ZC3H11A: variants seen among roughly 807,000 people sequenced by gnomAD.
ZC3H11A encodes zinc finger CCCH domain-containing protein 11A.
Under a neutral mutation model 90.8 loss-of-function variants are expected in ZC3H11A, and 22 were observed. The ratio of observed to expected loss-of-function variants is 0.24; its 90% CI spans 0.17 to 0.35. The LOEUF is 0.35. Ranked by LOEUF, ZC3H11A falls within the 10% of genes least tolerant of loss-of-function variation. The pLI is 1.00. For missense variants in ZC3H11A, 701 were observed against 964.9 expected, an observed-to-expected ratio of 0.73 and a Z score of 3.62; for synonymous variants, 294 against 339.8, an observed-to-expected ratio of 0.87 and a Z score of 1.48.
At chr1:203,806,923 C>G (rs1450233836) in intron 2 of ZC3H11A, among the ~76,000 whole-genome samples, 2 of 129,458 alleles carry the variant, frequency 1.5e-5, no homozygotes, top group African/African-American at 5.8e-5. Flanking sequence ...TGAAGTCTTT[C>G]AAAAATTACT....
chr1:203,798,022 T>C, intron 1 of ZC3H11A: 6 of 1,533,864 alleles, frequency 3.9e-6, no homozygotes, highest in Non-Finnish European at 4.4e-6. Flanking sequence ...GGTAGCCATC[T>C]TGGTACATCT....
intron 4 of ZC3H11A, among the ~76,000 whole-genome samples, chr1:203,820,618 C>T (rs9803846): frequency 0.11 from 16,426 of 151,802 alleles, 1,155 homozygotes; most frequent in Non-Finnish European, 0.15. Context: ...GCTGGGACAA[C>T]GGGCATGCCT....
At chr1:203,805,850 C>T in intron 2 of ZC3H11A, 1 of 896,832 alleles carries the variant, frequency 1.1e-6, no homozygotes, top group Non-Finnish European at 1.8e-6. Flanking sequence ...ATTTCATTTG[C>T]ATCTTCCATC....
chr1:203,812,578 A>AT (rs386369376), intron 2 of ZC3H11A, among the ~76,000 whole-genome samples: 2,812 of 109,302 alleles, frequency 0.026, 175 homozygotes, highest in African/African-American at 0.07. Flanking sequence ...GCCATTCTAA[A>AT]TTTTTTTTTT....
At chr1:203,813,126 T>A (rs1408889757) in intron 2 of ZC3H11A, among the ~76,000 whole-genome samples, 1 of 152,228 alleles carries the variant, frequency 6.6e-6, no homozygotes, top group African/African-American at 2.4e-5. Context: ...TTTTCATTCT[T>A]TCTTAAGCTT....
chr1:203,799,895 T>A, intron 1 of ZC3H11A: 1 of 1,536,090 alleles, frequency 6.5e-7, no homozygotes, highest in East Asian at 2.4e-5. Context: ...TAGAAACTTA[T>A]AAGCAGTTCC....
In ZC3H11A at chr1:203,818,694, GT is replaced by G; in HGVS notation, c.174+11del. The G allele has an allele frequency of 6.2e-7, 1 of 1,614,042 alleles. No individual in the cohort carries two copies. Among genetic ancestry groups the G allele is most frequent in the Non-Finnish European group, 8.5e-7 (1 of 1,179,990 alleles). On this transcript the variant is annotated splice_donor_region_variant and intron_variant, in intron 4 of 17. Coordinates refer to ENST00000367210, the MANE Select transcript of ZC3H11A (RefSeq NM_001376342.1). ...TTTCGGCACATGGAGATTGATGTAA[GT>G]TTTTTATTTCCGTTATCATAATAAG...
intron 7 of ZC3H11A, 94 bp from the exon 8 acceptor site, chr1:203,830,029 T>C (rs1572175771): frequency 7.6e-7 from 1 of 1,318,222 alleles, no homozygotes. Context: ...TTTCTGTTGA[T>C]CATTTATTCA....
At chr1:203,827,350 CTT>C (rs200907717) in intron 4 of ZC3H11A, among the ~76,000 whole-genome samples, 13 of 140,164 alleles carry the variant, frequency 9.3e-5, no homozygotes, top group East Asian at 4.1e-4. Flanking sequence ...CACAGGTATT[CTT>C]TTTTTTTTTT....
At chr1:203,827,977 A>G (rs771910374) in intron 4 of ZC3H11A, among the ~76,000 whole-genome samples, 13 of 152,208 alleles carry the variant, frequency 8.5e-5, no homozygotes, top group Non-Finnish European at 1.5e-4. Context: ...AACATAATAG[A>G]GATTCAGACC....
chr1:203,806,897 AC>A (rs1228547796), intron 2 of ZC3H11A, among the ~76,000 whole-genome samples: 2 of 131,230 alleles, frequency 1.5e-5, no homozygotes, highest in Non-Finnish European at 3.2e-5. Context: ...TCACTTTTTA[AC>A]CATTTTTTCT....
chr1:203,805,864 TC>T, intron 2 of ZC3H11A: 1 of 869,296 alleles, frequency 1.2e-6, no homozygotes, highest in Non-Finnish European at 1.9e-6. Context: ...TTCCATCATG[TC>T]CACTAGCTGG....
At chr1:203,800,156 C>T (rs1296793059) in intron 1 of ZC3H11A, 9 of 1,534,576 alleles carry the variant, frequency 5.9e-6, no homozygotes, top group Admixed American at 2.0e-5. Flanking sequence ...ATTCAGAGTT[C>T]TCAGGAGGTG....
chr1:203,820,508 C>T (rs978232661), intron 4 of ZC3H11A, among the ~76,000 whole-genome samples: 2 of 124,460 alleles, frequency 1.6e-5, no homozygotes, highest in African/African-American at 5.7e-5. Context: ...GACAGAGTCT[C>T]GCGCTGTTAC....
chr1:203,828,207 A>G (rs35073773), intron 4 of ZC3H11A, 92 bp from the exon 5 acceptor site: 187,471 of 1,482,064 alleles, frequency 0.13, 13,356 homozygotes, highest in Non-Finnish European at 0.14. Flanking sequence ...GGATTTTTGA[A>G]CCCTGTATGA....
intron 4 of ZC3H11A, among the ~76,000 whole-genome samples, chr1:203,821,373 C>G (rs1003305800): frequency 1.3e-5 from 2 of 152,000 alleles, no homozygotes; most frequent in Non-Finnish European, 2.9e-5. Flanking sequence ...TGAAAATGGA[C>G]TAATACATGT....
At chr1:203,819,089 T>TACACACACAC (rs200302232) in intron 4 of ZC3H11A, among the ~76,000 whole-genome samples, 295 of 141,002 alleles carry the variant, frequency 2.1e-3, no homozygotes, top group African/African-American at 7.2e-3. Flanking sequence ...TATATATATA[T>TACACACACAC]ACACACACAC....
intron 2 of ZC3H11A, among the ~76,000 whole-genome samples, chr1:203,808,169 A>C (rs1673024900): frequency 6.6e-6 from 1 of 152,168 alleles, no homozygotes. Context: ...GAATTTTTGT[A>C]TCTAAAAACT....
intron 2 of ZC3H11A, among the ~76,000 whole-genome samples, chr1:203,812,187 C>T (rs1010288089): frequency 9.2e-5 from 14 of 152,030 alleles, no homozygotes; most frequent in South Asian, 2.1e-4. Flanking sequence ...AAATGTGTGT[C>T]GTGGGGGTTT....
Sources: allele counts gnomAD v4.1 joint callset (sites outside exome capture counted in the v4.1 genomes callset), GRCh38; gene constraint gnomAD v4.1.1; transcripts MANE v1.5; gene names NCBI Gene and HGNC (gene_info 2026-07-23, HGNC 2026-07-21).